NETO2: variants seen among roughly 807,000 people sequenced by gnomAD.
NETO2 encodes neuropilin and tolloid-like protein 2.
In NETO2, 28 loss-of-function variants were observed where a neutral mutation model predicts 62.5. The ratio of observed to expected loss-of-function variants is 0.45; its 90% CI spans 0.33 to 0.61. NETO2 has a LOEUF of 0.61. Among genes scored for constraint, NETO2 ranks in the 20% least tolerant of loss-of-function variants. NETO2 has a pLI of 0.02. For synonymous variants in NETO2, 214 were observed against 219.1 expected, an observed-to-expected ratio of 0.98 and a Z score of 0.21; for missense variants, 548 against 643.2, an observed-to-expected ratio of 0.85 and a Z score of 1.60.
intron 1 of NETO2, among the ~76,000 whole-genome samples, chr16:47,137,422 T>C (rs3095622): frequency 0.44 from 66,147 of 151,932 alleles, 15,274 homozygotes; most frequent in African/African-American, 0.57. Flanking sequence ...AAAGCAACAG[T>C]GAGAGGTGGC....
intron 6 of NETO2, among the ~76,000 whole-genome samples, chr16:47,117,151 C>T (rs1244100704): frequency 6.6e-6 from 1 of 152,166 alleles, no homozygotes; most frequent in Non-Finnish European, 1.5e-5. Context: ...TCTTGCATCA[C>T]AGTTCCCCTT....
chr16:47,103,378 T>A (rs1419134488), intron 7 of NETO2, among the ~76,000 whole-genome samples: 1 of 152,104 alleles, frequency 6.6e-6, no homozygotes, highest in African/African-American at 2.4e-5. Flanking sequence ...ATGGCAGGTG[T>A]ATACCTATGT....
At chr16:47,083,934 T>C (rs1402689331) in intron 8 of NETO2, 133 bp from the exon 9 acceptor site, 1 of 656,716 alleles carries the variant, frequency 1.5e-6, no homozygotes, top group Non-Finnish European at 2.5e-6. Context: ...AATTTACAAT[T>C]AGGTTTTTAA....
chr16:47,115,714 C>CATATATATATATACATAT (rs1555498121), intron 6 of NETO2, among the ~76,000 whole-genome samples: 2 of 128,478 alleles, frequency 1.6e-5, no homozygotes, highest in African/African-American at 7.0e-5. Context: ...TATATATATA[C>CATATATATATATACATAT]ATATATATAT....
chr16:47,110,336 G>A (rs1468444338), intron 6 of NETO2, among the ~76,000 whole-genome samples: 1 of 152,150 alleles, frequency 6.6e-6, no homozygotes, highest in Admixed American at 6.5e-5. Flanking sequence ...AGCTCTATTA[G>A]CATCCCCCAT....
chr16:47,127,605 G>C (rs776888551), intron 4 of NETO2, among the ~76,000 whole-genome samples: 1 of 152,214 alleles, frequency 6.6e-6, no homozygotes, highest in Non-Finnish European at 1.5e-5. Flanking sequence ...GAGGCTGGAA[G>C]GAGCAAAGAC....
rs754386041 is a variant in NETO2 at position 47,128,618 on chromosome 16, G to A, written c.233-45C>T. On this transcript the variant is annotated intron_variant, in intron 3 of 8. Transcript: ENST00000562435. ...AAATCAGGACAACACAAACAAGAAA[G>A]AATATAAATGTATTGACACAAATGA... The A allele has an allele frequency of 4.4e-6, 7 of 1,577,264 alleles. No individual in the cohort carries two copies. In the African/African-American group the frequency reaches 8.1e-5, roughly 18 times the overall value.
At chr16:47,134,439 T>C (rs935703587) in intron 1 of NETO2, among the ~76,000 whole-genome samples, 1 of 152,170 alleles carries the variant, frequency 6.6e-6, no homozygotes, top group Non-Finnish European at 1.5e-5. Context: ...TTTTGAAACA[T>C]TTTTTAATAC....
At chr16:47,089,257 C>A (rs529183374) in intron 7 of NETO2, among the ~76,000 whole-genome samples, 1 of 152,048 alleles carries the variant, frequency 6.6e-6, no homozygotes, top group African/African-American at 2.4e-5. Flanking sequence ...ACAATAGCTA[C>A]GAACTGTGAA....
chr16:47,092,861 C>T (rs906457442), intron 7 of NETO2, among the ~76,000 whole-genome samples: 2 of 152,152 alleles, frequency 1.3e-5, no homozygotes, highest in African/African-American at 4.8e-5. Context: ...TGACACTTTC[C>T]CCATCTTGTC....
chr16:47,096,245 T>C (rs1428286219), intron 7 of NETO2, among the ~76,000 whole-genome samples: 1 of 152,074 alleles, frequency 6.6e-6, no homozygotes, highest in Non-Finnish European at 1.5e-5. Context: ...ACTTTATACC[T>C]TAAGGAACTA....
intron 7 of NETO2, among the ~76,000 whole-genome samples, chr16:47,096,539 C>T (rs957550278): frequency 2.6e-5 from 4 of 152,084 alleles, no homozygotes; most frequent in Admixed American, 1.3e-4. Flanking sequence ...AAACTGACAA[C>T]CTAGAGGAAA....
intron 1 of NETO2, among the ~76,000 whole-genome samples, chr16:47,142,029 T>G (rs528307757): frequency 2.0e-4 from 31 of 152,352 alleles, no homozygotes; most frequent in African/African-American, 6.7e-4. Flanking sequence ...TGCTCTCGGA[T>G]GCACGGTCAG....
At chr16:47,137,642 G>T (rs905951135) in intron 1 of NETO2, among the ~76,000 whole-genome samples, 2 of 152,156 alleles carry the variant, frequency 1.3e-5, no homozygotes, top group Non-Finnish European at 2.9e-5. Flanking sequence ...TTGCTTCCAT[G>T]AAAGTACATT....
At chr16:47,086,205 T>C in intron 8 of NETO2, 21 bp downstream of exon 8, 1 of 1,352,596 alleles carries the variant, frequency 7.4e-7, no homozygotes, top group Non-Finnish European at 1.1e-6. Flanking sequence ...TCAAAAATGT[T>C]GGCCTTTACA....
At chr16:47,132,778 T>C (rs1964291223) in intron 1 of NETO2, among the ~76,000 whole-genome samples, 1 of 152,146 alleles carries the variant, frequency 6.6e-6, no homozygotes, top group Non-Finnish European at 1.5e-5. Flanking sequence ...ACTTACAGAG[T>C]ATCCACTGAA....
rs534630998 is a variant in NETO2, at chr16:47,082,351, C to T, written c.*870G>A. 2.0e-5 allele frequency: 3 copies of T among 152,128 alleles called. No homozygotes were observed. Among genetic ancestry groups the T allele is most frequent in the Non-Finnish European group, 4.4e-5 (3 of 68,012 alleles). The allele number at this position is 152,128 out of a possible 1,614,324, so 9.4% of individuals were successfully genotyped here. On this transcript the variant is annotated 3_prime_UTR_variant, in exon 9 of 9. Transcript: ENST00000562435. Reference sequence around the variant, plus strand: ...ATTGCAAATAAATGTAATTATAGGCCTCTCCCAAAGTGAATGAAATGATTC... The same window carrying T: ...ATTGCAAATAAATGTAATTATAGGCTTCTCCCAAAGTGAATGAAATGATTC...
At chr16:47,103,103 T>C (rs1567385570) in intron 7 of NETO2, among the ~76,000 whole-genome samples, 1 of 152,302 alleles carries the variant, frequency 6.6e-6, no homozygotes, top group Middle Eastern at 3.4e-3. Context: ...TGGAATACTA[T>C]GCAGCCATAA....
rs759414615 is a variant in NETO2 at position 47,128,484 on chromosome 16, G to T, written c.322C>A (p.Arg108=). 3.1e-6 allele frequency: 5 copies of T among 1,613,966 alleles called. No homozygotes were observed. The highest frequency in any genetic ancestry group is 4.2e-6 in the Non-Finnish European group (5 of 1,179,988). Residue 108 remains arginine, a synonymous_variant, in exon 4 of 9, where the codon CGA becomes AGA. Coordinates refer to ENST00000562435, the MANE Select transcript of NETO2 (RefSeq NM_018092.5). The stretch of plus-strand genomic sequence containing the variant: ...GGAGAGAAACCAAATGGCCCATCTC[G>T]AACTTCCAAGTGATCAAACCGACAC... ...FECRFDHLEV[R]DGPFGFSPLI...
Sources: allele counts gnomAD v4.1 joint callset (sites outside exome capture counted in the v4.1 genomes callset), GRCh38; gene constraint gnomAD v4.1.1; transcripts MANE v1.5; gene names NCBI Gene and HGNC (gene_info 2026-07-23, HGNC 2026-07-21).